Variants in PRKG1 observed in about 807,000 individuals in gnomAD.
PRKG1 encodes protein kinase cGMP-dependent 1, also known as cGMP-dependent protein kinase 1.
In PRKG1, 35 loss-of-function variants were observed where a neutral mutation model predicts 88.1. That is an observed-to-expected ratio of 0.40 (90% CI 0.30 to 0.53). PRKG1 has a LOEUF of 0.53. Among genes scored for constraint, PRKG1 ranks in the 20% least tolerant of loss-of-function variants. The pLI, the probability that PRKG1 is intolerant of heterozygous loss-of-function variation, is 0.59. For missense variants in PRKG1, 540 were observed against 839.8 expected (o/e 0.64, Z 4.41); for synonymous variants, 303 against 292.5 (o/e 1.04, Z -0.37).
At chr10:52,012,787 A>G (rs1589516763) in intron 5 of PRKG1, among the ~76,000 whole-genome samples, 1 of 152,194 alleles carries the variant, frequency 6.6e-6, no homozygotes, top group East Asian at 1.9e-4. Flanking sequence ...CCTATGGGAT[A>G]TATATTATGG....
At chr10:51,693,425 CAG>C (rs1281532931) in intron 3 of PRKG1, among the ~76,000 whole-genome samples, 2 of 96 alleles carry the variant, frequency 0.021, no homozygotes, top group African/African-American at 0.045. Context: ...TATTTTGAGA[CAG>C]AGTCTCATCT....
intron 1 of PRKG1, among the ~76,000 whole-genome samples, chr10:51,076,094 T>G (rs1024613807): frequency 6.6e-6 from 1 of 152,216 alleles, no homozygotes; most frequent in East Asian, 1.9e-4. Context: ...TTATCTCTAT[T>G]TGTATTTATT....
At chr10:52,225,636 C>G (rs1353048538) in intron 9 of PRKG1, among the ~76,000 whole-genome samples, 3 of 152,104 alleles carry the variant, frequency 2.0e-5, no homozygotes, top group Admixed American at 6.6e-5. Flanking sequence ...GGTTTAAGCC[C>G]TTAATCCATC....
chr10:51,199,137 G>A (rs1435765682), intron 2 of PRKG1, among the ~76,000 whole-genome samples: 2 of 152,154 alleles, frequency 1.3e-5, no homozygotes, highest in African/African-American at 2.4e-5. Context: ...ATTTGCCATA[G>A]AACCAATTAG....
At chr10:51,774,349 G>C (rs1404796835) in intron 3 of PRKG1, among the ~76,000 whole-genome samples, 1 of 151,892 alleles carries the variant, frequency 6.6e-6, no homozygotes, top group East Asian at 1.9e-4. Flanking sequence ...AATTAAATGG[G>C]GGAAATTTCT....
chr10:52,105,516 G>A (rs1450382445), intron 7 of PRKG1, among the ~76,000 whole-genome samples: 4 of 152,274 alleles, frequency 2.6e-5, no homozygotes, highest in Admixed American at 1.3e-4. Flanking sequence ...GGACTGCAGA[G>A]GGCGTGTAGA....
intron 7 of PRKG1, among the ~76,000 whole-genome samples, chr10:52,081,026 C>G (rs1335428861): frequency 2.0e-5 from 3 of 152,166 alleles, no homozygotes; most frequent in Non-Finnish European, 2.9e-5. Flanking sequence ...TGTGTTCAGT[C>G]CGGCTTCCTT....
intron 4 of PRKG1, among the ~76,000 whole-genome samples, chr10:51,871,428 C>G (rs1257958357): frequency 1.3e-5 from 2 of 152,174 alleles, no homozygotes; most frequent in Admixed American, 1.3e-4. Context: ...AGCCCTGTTC[C>G]AGCCTGGCCT....
At chr10:52,212,975 A>C (rs1840018705) in intron 9 of PRKG1, among the ~76,000 whole-genome samples, 1 of 152,148 alleles carries the variant, frequency 6.6e-6, no homozygotes, top group Admixed American at 6.5e-5. Flanking sequence ...AGCAACTCTC[A>C]AAGTGCTTTA....
At chr10:51,164,067 A>C (rs906158118) in intron 2 of PRKG1, among the ~76,000 whole-genome samples, 9 of 152,316 alleles carry the variant, frequency 5.9e-5, no homozygotes, top group African/African-American at 2.2e-4. Context: ...ATGCAGCTGG[A>C]GATCTGAGAA....
chr10:51,448,852 C>T (rs1839350967), intron 2 of PRKG1, among the ~76,000 whole-genome samples: 1 of 152,018 alleles, frequency 6.6e-6, no homozygotes, highest in African/African-American at 2.4e-5. Context: ...CACATTGTTC[C>T]ACCTGCTACT....
At chr10:51,580,498 T>C (rs1288029395) in intron 3 of PRKG1, among the ~76,000 whole-genome samples, 1 of 152,138 alleles carries the variant, frequency 6.6e-6, no homozygotes, top group Non-Finnish European at 1.5e-5. Flanking sequence ...TTAAAAAAAT[T>C]ATTTTTCTGT....
intron 3 of PRKG1, among the ~76,000 whole-genome samples, chr10:51,578,181 A>G: frequency 6.6e-6 from 1 of 152,084 alleles, no homozygotes; most frequent in East Asian, 1.9e-4. Context: ...CTAATAGATA[A>G]ATCTAAGCAC....
intron 7 of PRKG1, among the ~76,000 whole-genome samples, chr10:52,106,534 G>A (rs922936841): frequency 2.0e-5 from 3 of 151,798 alleles, no homozygotes; most frequent in Non-Finnish European, 2.9e-5. Flanking sequence ...TGTACTTTAG[G>A]CCAGCACTTC....
At chr10:52,268,324 T>A (rs16928656) in intron 10 of PRKG1, among the ~76,000 whole-genome samples, 4,485 of 152,166 alleles carry the variant, frequency 0.029, 294 homozygotes, top group East Asian at 0.23. Context: ...GAATTTCTGT[T>A]GCTTTCTGTA....
chr10:51,422,865 G>A (rs1399812968), intron 2 of PRKG1, among the ~76,000 whole-genome samples: 1 of 151,998 alleles, frequency 6.6e-6, no homozygotes, highest in Non-Finnish European at 1.5e-5. Context: ...TTTACTTAAA[G>A]GAATTATTCA....
chr10:51,222,426 G>A lies in PRKG1; in HGVS notation c.478+69096G>A, dbSNP rs145060049. Reference sequence around the variant, plus strand: ...TGGTTTAATTGGTTCAAACACTCTGGCATTAACTGTCTAGGGATTTTCTAA... The same window carrying A: ...TGGTTTAATTGGTTCAAACACTCTGACATTAACTGTCTAGGGATTTTCTAA... On this transcript the variant is annotated intron_variant, in intron 2 of 17. Coordinates refer to ENST00000373980, the MANE Select transcript of PRKG1 (RefSeq NM_006258.4). Among the ~76,000 whole-genome samples the A allele has an allele frequency of 3.3e-3, 499 of 152,048 alleles. 2 individuals carry two copies. The highest frequency in any genetic ancestry group is 0.011 in the African/African-American group (474 of 41,478).
intron 3 of PRKG1, among the ~76,000 whole-genome samples, chr10:51,677,966 G>A (rs1012305685): frequency 6.6e-6 from 1 of 152,122 alleles, no homozygotes; most frequent in Admixed American, 6.6e-5. Flanking sequence ...ATAGGGTCAA[G>A]ACAAATGTTA....
intron 2 of PRKG1, among the ~76,000 whole-genome samples, chr10:51,440,044 AT>A (rs1463333758): frequency 1.3e-5 from 2 of 151,968 alleles, no homozygotes; most frequent in African/African-American, 4.8e-5. Flanking sequence ...CCCAGGATAT[AT>A]GTGCAGATGA....
Sources: gnomAD v4.1 joint callset for allele counts (sites outside exome capture counted in the v4.1 genomes callset) on GRCh38, gnomAD v4.1.1 for gene constraint, MANE v1.5 for transcripts, NCBI Gene and HGNC (gene_info 2026-07-23, HGNC 2026-07-21) for gene names.